The following ATG16L2 variants were observed in gnomAD, a reference collection of about 807,000 sequenced individuals.
The protein encoded by ATG16L2 is protein Atg16l2.
A neutral mutation model predicts 84.7 loss-of-function variants in ATG16L2; 77 were observed. The observed-to-expected ratio is 0.91, with a 90% CI of 0.76 to 1.10. The LOEUF is 1.10. Ranked by LOEUF, ATG16L2 falls within the 50% of genes least tolerant of loss-of-function variation. The pLI is 0.00. For synonymous variants in ATG16L2, 361 were observed against 342.8 expected (o/e 1.05, Z -0.59); for missense variants, 782 against 817.6 (o/e 0.96, Z 0.53).
intron 3 of ATG16L2, among the ~76,000 whole-genome samples, chr11:72,819,751 C>CTT (rs778469920): frequency 1.4e-5 from 2 of 146,562 alleles, no homozygotes; most frequent in African/African-American, 5.0e-5. Flanking sequence ...TCTTTTCTTT[C>CTT]TTTTTTTTTT....
At chr11:72,826,352 G>A in intron 11 of ATG16L2, 109 bp downstream of exon 11, 1 of 1,425,766 alleles carries the variant, frequency 7.0e-7, no homozygotes, top group Non-Finnish European at 9.6e-7. Context: ...CTAGAACCAG[G>A]CCCCTGGGCT....
Position 72,822,913 on chromosome 11 carries a change from C to G in ATG16L2, c.776C>G (p.Pro259Arg). Reference protein sequence around the residue: ...RRETLALAPEPEPLEKEACEK... With the variant: ...RRETLALAPEREPLEKEACEK... ...GAGACTCTGGCTCTGGCCCCTGAGC[C>G]AGAGCCCCTGGAGAAGGAAGCTTGT... Residue 259 changes from proline to arginine, a missense_variant, in exon 7 of 18, where the codon CCA (proline) becomes CGA (arginine). Pro to Arg is a moderately radical substitution (Grantham distance 103, BLOSUM62 -2). Coordinates refer to ENST00000321297, the MANE Select transcript of ATG16L2 (RefSeq NM_033388.2). The surrounding 1 kb of genome is among the most constrained non-coding windows in gnomAD (Gnocchi z 4.2). 6.3e-7 allele frequency: 1 copy of G among 1,580,054 alleles called. No homozygotes were observed. The highest frequency in any genetic ancestry group is 8.6e-7 in the Non-Finnish European group (1 of 1,162,706).
chr11:72,838,727 A>G, intron 5 of ATG16L2: 11 of 1,412,786 alleles, frequency 7.8e-6, no homozygotes, highest in Non-Finnish European at 1.1e-5. Flanking sequence ...TGCCTAAAAA[A>G]CAAGACTGGC....
intron 2 of ATG16L2, among the ~76,000 whole-genome samples, chr11:72,817,360 T>A (rs1332091806): frequency 1.3e-5 from 2 of 152,054 alleles, no homozygotes; most frequent in Non-Finnish European, 2.9e-5. Context: ...CTCAGCCTCC[T>A]GGAACGTGCA....
In ATG16L2 at chr11:72,826,073, G is replaced by A; in HGVS notation, c.1103-100G>A. 3 of 961,044 alleles carry A rather than the reference G, an allele frequency of 3.1e-6. No individual in the cohort carries two copies. In the South Asian group the frequency reaches 4.6e-5, roughly 15 times the overall value. 59.5% of individuals were successfully genotyped at this position (961,044 alleles called of 1,614,324 possible). ...TGTCTTCTAACCTGGGGATGTGTCG[G>A]GGGGTGGGGCGGGAACTGATCTTCC... On this transcript the variant is annotated intron_variant, in intron 10 of 17. Coordinates refer to ENST00000321297, the MANE Select transcript of ATG16L2 (RefSeq NM_033388.2).
At chr11:72,838,708 A>G in intron 5 of ATG16L2, 1 of 1,149,080 alleles carries the variant, frequency 8.7e-7, no homozygotes, top group Non-Finnish European at 1.3e-6. Context: ...AGTCATCATC[A>G]TGCAAAGGTG....
chr11:72,829,439 CT>C lies in ATG16L2; in HGVS notation c.*51del, dbSNP rs1860552760. ...TGGAGCTCTTGCCCGAAGCCTGAAGCTTCCTTCGGCGCCATGCAGGGGTTGG... is the reference window on the plus strand; with the variant it reads ...TGGAGCTCTTGCCCGAAGCCTGAAGCTCCTTCGGCGCCATGCAGGGGTTGG... On this transcript the variant is annotated 3_prime_UTR_variant, in exon 18 of 18. Coordinates refer to ENST00000321297, the MANE Select transcript of ATG16L2 (RefSeq NM_033388.2). 1 of 1,586,982 alleles carries C rather than the reference CT, an allele frequency of 6.3e-7. No homozygotes were observed. The highest frequency in any genetic ancestry group is 1.3e-5 in the African/African-American group (1 of 74,440).
intron 5 of ATG16L2, chr11:72,841,569 G>C (rs748188568): frequency 1.5e-5 from 24 of 1,605,880 alleles, no homozygotes; most frequent in Non-Finnish European, 1.4e-5. Context: ...CGTGTGGCTT[G>C]GGGGAAGGAG....
chr11:72,822,190 C>T lies in ATG16L2; in HGVS notation c.539C>T (p.Ala180Val), dbSNP rs763579653. The change falls in exon 5 of 18, where the codon GCA becomes GTA. Residue 180 changes from alanine to valine, a missense_variant. By Grantham distance (64) the Ala-to-Val change is moderately conservative (BLOSUM62 0). Transcript: ENST00000321297. The surrounding 1 kb of genome is among the most constrained non-coding windows in gnomAD (Gnocchi z 4.2). The stretch of plus-strand genomic sequence containing the variant: ...GCGCACGTCGGGCTCCGGGAGGCGG[C>T]ACTGCGCAGGCTCCAGGAAGAGGCG... ...LRAHVGLREA[A>V]LRRLQEEARD... 4 of 1,501,756 alleles carry T rather than the reference C, an allele frequency of 2.7e-6. No individual in the cohort carries two copies. Among genetic ancestry groups the T allele is most frequent in the South Asian group, 1.2e-5 (1 of 80,758 alleles). The allele number at this position is 1,501,756 out of a possible 1,614,324, so 93.0% of individuals were successfully genotyped here. A position where few individuals can be genotyped will look rare whatever the true frequency, so the allele number is the denominator to read the frequency against.
intron 4 of ATG16L2, 112 bp from the exon 5 acceptor site, chr11:72,821,932 C>G (rs906719465): frequency 2.9e-5 from 41 of 1,424,282 alleles, no homozygotes; most frequent in Non-Finnish European, 6.4e-6. Flanking sequence ...GGCTTAGCCA[C>G]CCGGCTAGCC....
downstream of ATG16L2, among the ~76,000 whole-genome samples, chr11:72,830,847 C>G (rs1201582921): frequency 2.0e-5 from 3 of 152,196 alleles, no homozygotes; most frequent in African/African-American, 7.2e-5. Context: ...CCAGGCTGGT[C>G]TCAAACTCCT....
intron 5 of ATG16L2, among the ~76,000 whole-genome samples, chr11:72,840,725 C>T (rs1860899327): frequency 6.6e-6 from 1 of 152,190 alleles, no homozygotes; most frequent in Admixed American, 6.5e-5. Flanking sequence ...CTATGGCCTT[C>T]CTTTTCAATA....
At chr11:72,840,973 C>G in intron 5 of ATG16L2, 6 of 1,598,218 alleles carry the variant, frequency 3.8e-6, no homozygotes, top group Non-Finnish European at 5.1e-6. Context: ...AGGGAGAAAA[C>G]CAAAGAAGCT....
rs1392478279 is a variant in ATG16L2 at position 72,829,548 on chromosome 11, G to C, written c.*158G>C. ...GCCTGTTTGTTTAAAAATGAAGTAT[G>C]GGTTGGGGGATTACGCTAGTTTTTC... On this transcript the variant is annotated 3_prime_UTR_variant, in exon 18 of 18. Coordinates refer to ENST00000321297, the MANE Select transcript of ATG16L2 (RefSeq NM_033388.2). 4.3e-6 allele frequency: 6 copies of C among 1,399,380 alleles called. No homozygotes were observed. Among genetic ancestry groups the C allele is most frequent in the Non-Finnish European group, 5.6e-6 (6 of 1,077,268 alleles). 86.7% of individuals were successfully genotyped at this position (1,399,380 alleles called of 1,614,324 possible).
At position 72,817,739 on chromosome 11, in the gene ATG16L2, C is replaced by T. The variant is rs1482756849; in HGVS notation, c.219-17C>T. On this transcript the variant is annotated splice_polypyrimidine_tract_variant and intron_variant, in intron 2 of 17. Transcript: ENST00000321297. ...GTGAACCGGGGGACATTGAGCACCA[C>T]TCTGATTGGTTGGCAGGGAGGAGTC... 1.2e-6 allele frequency: 2 copies of T among 1,613,192 alleles called. No homozygotes were observed. The highest frequency in any genetic ancestry group is 2.2e-5 in the South Asian group (2 of 90,984).
At chr11:72,823,763 T>C (rs573953634) in intron 7 of ATG16L2, 12 of 525,872 alleles carry the variant, frequency 2.3e-5, no homozygotes, top group Non-Finnish European at 4.4e-5. Flanking sequence ...CTCCTCCCTG[T>C]AGGCCCCGGC....
Position 72,822,713 on chromosome 11 carries a change from T to TCACGCATGCAG in ATG16L2, c.711-135_711-134insCACGCATGCAG. Reference sequence around the variant, plus strand: ...GACCGTGTGGTCGTAGGAGCCTGCATGCGTGACCGCTGCACGTGTACACCC... The same window carrying TCACGCATGCAG: ...GACCGTGTGGTCGTAGGAGCCTGCATCACGCATGCAGGCGTGACCGCTGCACGTGTACACCC... On this transcript the variant is annotated intron_variant, in intron 6 of 17. Transcript: ENST00000321297. This position sits in a 1 kb window ranked among gnomAD's most constrained non-coding sequence, Gnocchi z 4.2. 9.6e-7 allele frequency: 1 copy of TCACGCATGCAG among 1,036,570 alleles called. No homozygotes were observed. Among genetic ancestry groups the TCACGCATGCAG allele is most frequent in the Non-Finnish European group, 1.4e-6 (1 of 710,760 alleles). The allele number at this position is 1,036,570 out of a possible 1,614,324, so 64.2% of individuals were successfully genotyped here.
intron 14 of ATG16L2, 62 bp from the exon 15 acceptor site, chr11:72,828,297 T>C: frequency 6.3e-7 from 1 of 1,594,082 alleles, no homozygotes; most frequent in South Asian, 1.1e-5. Context: ...GCCTGGCCCC[T>C]TCCTGTCAGG....
At chr11:72,818,089 C>T (rs1859793719) in intron 3 of ATG16L2, 1 of 541,258 alleles carries the variant, frequency 1.8e-6, no homozygotes, top group Admixed American at 3.2e-5. Flanking sequence ...GTGCAAGGGC[C>T]TGGCAGCCCA....
Sources: gnomAD v4.1 joint callset for allele counts (sites outside exome capture counted in the v4.1 genomes callset) on GRCh38, gnomAD v4.1.1 for gene constraint, Gnocchi (gnomAD v3.1) non-coding constraint, MANE v1.5 for transcripts, NCBI Gene and HGNC (gene_info 2026-07-23, HGNC 2026-07-21) for gene names.